The following NELL1 variants were observed in gnomAD, a reference collection of about 807,000 sequenced individuals.
NELL1 encodes the protein protein kinase C-binding protein NELL1.
A neutral mutation model predicts 107.4 loss-of-function variants in NELL1; 76 were observed. The ratio of observed to expected loss-of-function variants is 0.71; its 90% confidence interval spans 0.59 to 0.86. The LOEUF (loss-of-function observed/expected upper bound fraction) is 0.86. Among genes scored for constraint, NELL1 ranks in the 40% least tolerant of loss-of-function variants. NELL1 has a pLI of 0.00. For synonymous variants in NELL1, 353 were observed against 341.2 expected (o/e 1.03, Z -0.38); for missense variants, 1,024 against 1,005.5 (o/e 1.02, Z -0.25).
intron 12 of NELL1, among the ~76,000 whole-genome samples, chr11:21,020,981 G>A (rs774197140): frequency 3.3e-4 from 49 of 148,518 alleles, no homozygotes; most frequent in Non-Finnish European, 5.3e-4. Context: ...TGGTAAGGAG[G>A]GGCCAGCTGA....
chr11:20,781,649 TA>T (rs373494704), intron 2 of NELL1, among the ~76,000 whole-genome samples: 5 of 152,154 alleles, frequency 3.3e-5, no homozygotes, highest in African/African-American at 1.2e-4. Context: ...AAGAAAAAAG[TA>T]AAAAGTAAAC....
At chr11:21,016,007 T>TGCGTC (rs1008690436) in intron 12 of NELL1, among the ~76,000 whole-genome samples, 36 of 152,196 alleles carry the variant, frequency 2.4e-4, no homozygotes, top group African/African-American at 8.7e-4. Context: ...TTGCCTTTTG[T>TGCGTC]GCGTCTGGTA....
At chr11:20,820,096 G>A (rs2134023514) in intron 3 of NELL1, among the ~76,000 whole-genome samples, 1 of 152,294 alleles carries the variant, frequency 6.6e-6, no homozygotes, top group Non-Finnish European at 1.5e-5. Context: ...TCTGGTTACA[G>A]GAATGTTAAG....
At chr11:20,719,561 T>C (rs1188765839) in intron 2 of NELL1, among the ~76,000 whole-genome samples, 1 of 152,216 alleles carries the variant, frequency 6.6e-6, no homozygotes, top group African/African-American at 2.4e-5. Context: ...AAGTTGAGCA[T>C]GTTCTTTAGC....
intron 12 of NELL1, among the ~76,000 whole-genome samples, chr11:21,053,354 A>C (rs1853542183): frequency 6.6e-6 from 1 of 152,140 alleles, no homozygotes; most frequent in African/African-American, 2.4e-5. Flanking sequence ...CCCACTTATA[A>C]GTGAGAACAT....
intron 14 of NELL1, among the ~76,000 whole-genome samples, chr11:21,311,678 GA>G (rs1212057733): frequency 6.6e-6 from 1 of 152,108 alleles, no homozygotes; most frequent in Non-Finnish European, 1.5e-5. Context: ...TTCATAAAAA[GA>G]GGTCAAATAA....
intron 13 of NELL1, among the ~76,000 whole-genome samples, chr11:21,220,621 T>A (rs1430196586): frequency 6.6e-6 from 1 of 152,108 alleles, no homozygotes; most frequent in Non-Finnish European, 1.5e-5. Context: ...AGGTGTTTTT[T>A]TTGTAGCTAT....
chr11:21,501,042 G>T (rs1049275149), intron 15 of NELL1, among the ~76,000 whole-genome samples: 1 of 152,116 alleles, frequency 6.6e-6, no homozygotes, highest in African/African-American at 2.4e-5. Flanking sequence ...GTGTTTTGTA[G>T]TACTTACTGT....
At chr11:21,457,937 G>A (rs1853790107) in intron 15 of NELL1, among the ~76,000 whole-genome samples, 1 of 152,116 alleles carries the variant, frequency 6.6e-6, no homozygotes, top group African/African-American at 2.4e-5. Context: ...AGAATCTGCT[G>A]GGCTTTGTAG....
At chr11:21,045,870 C>T (rs1853341910) in intron 12 of NELL1, among the ~76,000 whole-genome samples, 1 of 152,118 alleles carries the variant, frequency 6.6e-6, no homozygotes, top group Non-Finnish European at 1.5e-5. Flanking sequence ...TCTTGAGTCT[C>T]TAGGTAAAGT....
intron 15 of NELL1, among the ~76,000 whole-genome samples, chr11:21,402,050 G>A (rs1252613766): frequency 6.6e-6 from 1 of 151,734 alleles, no homozygotes; most frequent in Admixed American, 6.6e-5. Flanking sequence ...CTGGATATCA[G>A]CATGAAATAT....
At chr11:21,170,106 C>T in intron 13 of NELL1, 1 of 805,792 alleles carries the variant, frequency 1.2e-6, no homozygotes, top group Non-Finnish European at 2.1e-6. Context: ...GATGTGGAGG[C>T]AAAACCACCC....
At chr11:21,154,076 AT>A (rs1213177357) in intron 13 of NELL1, among the ~76,000 whole-genome samples, 1 of 152,176 alleles carries the variant, frequency 6.6e-6, no homozygotes, top group East Asian at 1.9e-4. Flanking sequence ...TGAAAATGGG[AT>A]TAGACTACCC....
intron 13 of NELL1, among the ~76,000 whole-genome samples, chr11:21,201,283 GT>G (rs1857263955): frequency 1.3e-5 from 2 of 152,070 alleles, no homozygotes; most frequent in Non-Finnish European, 2.9e-5. Context: ...TTTTCCATTA[GT>G]TTATGTCCTC....
intron 9 of NELL1, among the ~76,000 whole-genome samples, chr11:20,929,982 GAA>G (rs200854592): frequency 2.3e-5 from 3 of 128,078 alleles, no homozygotes; most frequent in Non-Finnish European, 3.3e-5. Flanking sequence ...AAAAAAAAAA[GAA>G]AAAAAAAAAA....
chr11:21,221,568 T>C (rs1189746147), intron 13 of NELL1, among the ~76,000 whole-genome samples: 1 of 152,214 alleles, frequency 6.6e-6, no homozygotes, highest in Non-Finnish European at 1.5e-5. Context: ...TACTTGTTAT[T>C]GGTCTGTCCA....
rs1380511101 is a variant in NELL1 at position 21,372,093 on chromosome 11, A to G, written c.1645+1145A>G. Among the ~76,000 whole-genome samples the G allele has an allele frequency of 2.0e-5, 3 of 152,066 alleles. No individual in the cohort carries two copies. The South Asian group carries it at 6.2e-4, about 32-fold the overall frequency. On this transcript the variant is annotated intron_variant, in intron 15 of 19. Coordinates refer to ENST00000357134, the MANE Select transcript of NELL1 (RefSeq NM_006157.5). ...TGTGACATTATCAACAAATAAAAAT[A>G]TAACAAATAATAACTGTTTTTTCTT...
chr11:21,067,259 G>A (rs80087566), intron 12 of NELL1, among the ~76,000 whole-genome samples: 2,213 of 152,312 alleles, frequency 0.015, 47 homozygotes, highest in African/African-American at 0.051. Context: ...CAAGTACAAG[G>A]AAAGGAAATG....
At chr11:21,477,448 C>T (rs1350172509) in intron 15 of NELL1, among the ~76,000 whole-genome samples, 1 of 152,072 alleles carries the variant, frequency 6.6e-6, no homozygotes, top group Non-Finnish European at 1.5e-5. Flanking sequence ...CAAGGTGGTA[C>T]CTCTATGAAT....
Sources: allele counts gnomAD v4.1 joint callset (sites outside exome capture counted in the v4.1 genomes callset), GRCh38; gene constraint gnomAD v4.1.1; transcripts MANE v1.5; gene names NCBI Gene and HGNC (gene_info 2026-07-23, HGNC 2026-07-21).